ARHGEF18: variants seen among roughly 807,000 people sequenced by gnomAD.
ARHGEF18 encodes the protein Rho/Rac guanine nucleotide exchange factor 18, also known as rho guanine nucleotide exchange factor 18.
ARHGEF18 carries 93 observed loss-of-function variants against 155.7 expected under a neutral mutation model. The observed-to-expected ratio is 0.60, with a 90% CI of 0.50 to 0.71. The LOEUF is 0.71. ARHGEF18 is among the 30% of genes least tolerant of loss of function. The pLI, the probability that ARHGEF18 is intolerant of heterozygous loss-of-function variation, is 0.00. For missense variants in ARHGEF18, 1,593 were observed against 1,816.1 expected, an observed-to-expected ratio of 0.88 and a Z score of 2.23; for synonymous variants, 742 against 753.1, an observed-to-expected ratio of 0.99 and a Z score of 0.24.
At chr19:7,370,966 G>C (rs532349279) in intron 2 of ARHGEF18, among the ~76,000 whole-genome samples, 1 of 151,324 alleles carries the variant, frequency 6.6e-6, no homozygotes, top group Admixed American at 6.6e-5. Flanking sequence ...GCTGGAGTGC[G>C]ATAGCATGAT....
At chr19:7,404,228 C>A (rs780411441) in intron 10 of ARHGEF18, among the ~76,000 whole-genome samples, 1 of 152,094 alleles carries the variant, frequency 6.6e-6, no homozygotes, top group African/African-American at 2.4e-5. Flanking sequence ...GCCCTGGGGC[C>A]GTTTCACTGA....
At chr19:7,469,303 C>G (rs1976868602) in intron 27 of ARHGEF18, among the ~76,000 whole-genome samples, 172 bp downstream of exon 27, 1 of 152,226 alleles carries the variant, frequency 6.6e-6, no homozygotes, top group South Asian at 2.1e-4. Flanking sequence ...CGTGTTTGGT[C>G]TCCAGGCCCA....
chr19:7,446,904 A>G, intron 14 of ARHGEF18, 139 bp from the exon 15 acceptor site: 1 of 1,191,256 alleles, frequency 8.4e-7, no homozygotes, highest in East Asian at 2.8e-5. Flanking sequence ...TCAAAAAAAA[A>G]AAAAAAAGAA....
Position 7,463,870 on chromosome 19 carries a change from G to A in ARHGEF18, c.2688G>A (p.Gln896=), listed in dbSNP as rs1182161152. Residue 896 remains glutamine (Q), a synonymous_variant, in exon 22 of 29, where the codon CAG becomes CAA. Coordinates refer to ENST00000668164, the MANE Select transcript of ARHGEF18 (RefSeq NM_001367823.1). The surrounding 1 kb of genome is among the most constrained non-coding windows in gnomAD (Gnocchi z 5.2). The stretch of plus-strand genomic sequence containing the variant: ...GGCAGCTGGGCAGCGCCAACGGCCA[G>A]GCGGAAGACGGAGGCAGCTCCACAG... ...ICRQLGSANG[Q]AEDGGSSTGP... is the part of the protein sequence containing the mutation. The A allele has an allele frequency of 6.2e-7, 1 of 1,603,902 alleles. No homozygotes were observed. The highest frequency in any genetic ancestry group is 1.3e-5 in the African/African-American group (1 of 74,904).
chr19:7,359,368 A>G (rs1969449614), intron 1 of ARHGEF18, among the ~76,000 whole-genome samples: 1 of 152,276 alleles, frequency 6.6e-6, no homozygotes, highest in South Asian at 2.1e-4. Flanking sequence ...AGCTCAGTCT[A>G]TGACACTGGG....
rs924664550 is a variant in ARHGEF18 at position 7,444,200 on chromosome 19, G to A, written c.1361-4G>A. 6.2e-6 allele frequency: 10 copies of A among 1,612,004 alleles called. No homozygotes were observed. Among genetic ancestry groups the A allele is most frequent in the Middle Eastern group, 1.7e-4 (1 of 5,990 alleles). ...GCTAAGTCCTGCCGTCTGTGTCCCT[G>A]CAGAGCTGATGCAGACAGAGGTGCA... On this transcript the variant is annotated splice_polypyrimidine_tract_variant and splice_region_variant and intron_variant, in intron 13 of 28. Coordinates refer to ENST00000668164, the MANE Select transcript of ARHGEF18 (RefSeq NM_001367823.1). This position sits in a 1 kb window ranked among gnomAD's most constrained non-coding sequence, Gnocchi z 4.7.
chr19:7,407,380 T>C (rs1005603152), intron 10 of ARHGEF18, among the ~76,000 whole-genome samples: 16 of 150,246 alleles, frequency 1.1e-4, no homozygotes, highest in African/African-American at 3.9e-4. Flanking sequence ...GAGCCGAGAT[T>C]GAGCCACTGT....
intron 17 of ARHGEF18, among the ~76,000 whole-genome samples, chr19:7,454,247 G>T: frequency 6.7e-6 from 1 of 149,182 alleles, no homozygotes. Context: ...CACAATTTGG[G>T]TTGGTGGGTG....
intron 10 of ARHGEF18, among the ~76,000 whole-genome samples, chr19:7,413,106 T>G (rs1285693793): frequency 6.6e-6 from 1 of 151,926 alleles, no homozygotes. Context: ...ACCATATTTT[T>G]GGGGGCAGGA....
At chr19:7,393,405 G>A (rs1971515776) in intron 10 of ARHGEF18, among the ~76,000 whole-genome samples, 1 of 152,194 alleles carries the variant, frequency 6.6e-6, no homozygotes, top group Middle Eastern at 3.2e-3. Context: ...ACTGGGTCAT[G>A]CGAGGTTTCC....
intron 1 of ARHGEF18, among the ~76,000 whole-genome samples, chr19:7,353,604 A>AAAAAG (rs199745530): frequency 6.6e-6 from 1 of 151,168 alleles, no homozygotes; most frequent in Non-Finnish European, 1.5e-5. Flanking sequence ...AAAAAAAAAG[A>AAAAAG]AAAAGAAAAG....
intron 10 of ARHGEF18, among the ~76,000 whole-genome samples, chr19:7,430,315 C>T (rs556321907): frequency 6.6e-6 from 1 of 152,014 alleles, no homozygotes; most frequent in East Asian, 1.9e-4. Context: ...GATCCTTCTG[C>T]CTCAGCCTCC....
In ARHGEF18 at chr19:7,379,685, A is replaced by T. The variant is rs1419457891; in HGVS notation, c.644+519A>T. ...CACTGGCATAGGGGTTCCTTGGAGCAAACAGGTGAAGGTGCCTCCTGCCTA... is the reference window on the plus strand; with the variant it reads ...CACTGGCATAGGGGTTCCTTGGAGCTAACAGGTGAAGGTGCCTCCTGCCTA... On this transcript the variant is annotated intron_variant, in intron 7 of 28. Coordinates refer to ENST00000668164, the MANE Select transcript of ARHGEF18 (RefSeq NM_001367823.1). Among the ~76,000 whole-genome samples, 4 of 152,158 alleles carry T rather than the reference A, an allele frequency of 2.6e-5. No individual in the cohort carries two copies. The South Asian group carries it at 8.3e-4, about 31-fold the overall frequency.
At chr19:7,403,623 G>T (rs1972138768) in intron 10 of ARHGEF18, among the ~76,000 whole-genome samples, 1 of 147,300 alleles carries the variant, frequency 6.8e-6, no homozygotes, top group Admixed American at 6.9e-5. Flanking sequence ...CTGAAGCCTT[G>T]ACGTCCTGGG....
At position 7,365,971 on chromosome 19, in the gene ARHGEF18, G is replaced by C. The variant is rs1224466268; in HGVS notation, c.15+3066G>C. Among the ~76,000 whole-genome samples the C allele has an allele frequency of 3.3e-5, 5 of 151,736 alleles. No individual in the cohort carries two copies. The East Asian group carries it at 9.7e-4, about 29-fold the overall frequency. ...ACATATGTATTTTTTTTTGAGACAGGGTCTCACTCCATCACCCAGGCTGGA... is the reference window on the plus strand; with the variant it reads ...ACATATGTATTTTTTTTTGAGACAGCGTCTCACTCCATCACCCAGGCTGGA... On this transcript the variant is annotated intron_variant, in intron 2 of 28. Transcript: ENST00000668164.
Position 7,395,233 on chromosome 19 carries a change from G to T in ARHGEF18, c.967+12030G>T. Reference sequence around the variant, plus strand: ...AGGAGCTGGCGGAGAGCGGCCTGCGGGCGATCGGGCCGAGGTGAGGACGGC... The same window carrying T: ...AGGAGCTGGCGGAGAGCGGCCTGCGTGCGATCGGGCCGAGGTGAGGACGGC... On this transcript the variant is annotated intron_variant, in intron 10 of 28. Transcript: ENST00000668164. This position sits in a 1 kb window ranked among gnomAD's most constrained non-coding sequence, Gnocchi z 5.0. 1 of 987,224 alleles carries T rather than the reference G, an allele frequency of 1.0e-6. No homozygotes were observed. The highest frequency in any genetic ancestry group is 1.2e-6 in the Non-Finnish European group (1 of 831,444). The allele number at this position is 987,224 out of a possible 1,614,324, so 61.2% of individuals were successfully genotyped here.
At chr19:7,439,856 A>G (rs1974511526) in intron 10 of ARHGEF18, 1 of 1,444,832 alleles carries the variant, frequency 6.9e-7, no homozygotes, top group Admixed American at 2.9e-5. Flanking sequence ...TACACCCTGC[A>G]AAGACCAAGG....
At chr19:7,407,790 G>T (rs906156712) in intron 10 of ARHGEF18, among the ~76,000 whole-genome samples, 1 of 151,580 alleles carries the variant, frequency 6.6e-6, no homozygotes, top group Non-Finnish European at 1.5e-5. Context: ...GTGAAACCCC[G>T]TCTCTACTGA....
intron 10 of ARHGEF18, among the ~76,000 whole-genome samples, chr19:7,431,645 G>A (rs1973976913): frequency 6.6e-6 from 1 of 151,820 alleles, no homozygotes; most frequent in Admixed American, 6.6e-5. Context: ...GCGAAACCCC[G>A]TCTCTACTAA....
Sources: gnomAD v4.1 joint callset for allele counts (sites outside exome capture counted in the v4.1 genomes callset) on GRCh38, gnomAD v4.1.1 for gene constraint, Gnocchi (gnomAD v3.1) non-coding constraint, MANE v1.5 for transcripts, NCBI Gene and HGNC (gene_info 2026-07-23, HGNC 2026-07-21) for gene names.